TMEM117: variants seen among roughly 807,000 people sequenced by gnomAD.
TMEM117 encodes transmembrane protein 117.
TMEM117 carries 27 observed loss-of-function variants against 52.4 expected under a neutral mutation model. That is an observed-to-expected ratio of 0.51 (90% CI 0.38 to 0.71). TMEM117 has a LOEUF of 0.71. Among genes scored for constraint, TMEM117 ranks in the 30% least tolerant of loss-of-function variants. The probability of loss-of-function intolerance (pLI) is 0.00; values close to 1 mark genes in which losing one functional copy is unlikely to be tolerated. For synonymous variants in TMEM117, 215 were observed against 206.3 expected (o/e 1.04, Z -0.36); for missense variants, 556 against 630.5 (o/e 0.88, Z 1.26).
Position 43,918,340 on chromosome 12 carries a change from T to A in TMEM117, c.278-25870T>A, listed in dbSNP as rs564517867. 5.9e-5 allele frequency among the ~76,000 whole-genome samples: 9 copies of A among 152,322 alleles called. 1 individual carries two copies. Among genetic ancestry groups the A allele is most frequent in the African/African-American group, 2.2e-4 (9 of 41,586 alleles). Reference sequence around the variant, plus strand: ...TCAGCAATCATAATTTTTTGTTTCATTTTTAGAACATCTCTTGCAGGGGTT... The same window carrying A: ...TCAGCAATCATAATTTTTTGTTTCAATTTTAGAACATCTCTTGCAGGGGTT... On this transcript the variant is annotated intron_variant, in intron 2 of 7. Transcript: ENST00000266534.
At chr12:44,394,117 AC>A (rs1448179855), downstream of TMEM117, among the ~76,000 whole-genome samples, 1 of 152,164 alleles carries the variant, frequency 6.6e-6, no homozygotes, top group Non-Finnish European at 1.5e-5. Context: ...TATTTTGAAA[AC>A]CATATTTTGA....
intron 3 of TMEM117, among the ~76,000 whole-genome samples, chr12:44,007,241 A>G (rs1440851939): frequency 2.0e-5 from 3 of 152,196 alleles, no homozygotes; most frequent in African/African-American, 7.2e-5. Flanking sequence ...TCAGATTAAG[A>G]ATAAGAAAAA....
intron 3 of TMEM117, among the ~76,000 whole-genome samples, chr12:43,950,550 A>C (rs148651118): frequency 0.027 from 8 of 298 alleles, no homozygotes; most frequent in African/African-American, 0.059. Flanking sequence ...TTTTTTCTCA[A>C]AAAAAAAAAG....
chr12:43,944,176 T>C (rs1256448004), intron 2 of TMEM117, 34 bp from the exon 3 acceptor site: 3 of 1,572,824 alleles, frequency 1.9e-6, no homozygotes, highest in Non-Finnish European at 2.6e-6. Flanking sequence ...TGAGTTACAG[T>C]GTACATTAAT....
chr12:44,254,026 A>C (rs1395678125), intron 5 of TMEM117, among the ~76,000 whole-genome samples: 2 of 151,796 alleles, frequency 1.3e-5, no homozygotes, highest in South Asian at 2.1e-4. Context: ...AAAAAAAAAA[A>C]AACATAGAAG....
At chr12:43,874,417 C>T (rs904371860) in intron 2 of TMEM117, among the ~76,000 whole-genome samples, 8 of 118,032 alleles carry the variant, frequency 6.8e-5, no homozygotes, top group African/African-American at 2.2e-4. Context: ...CCCGTCCCTA[C>T]TAAAAGTACA....
At chr12:44,149,667 C>T (rs558044932) in intron 4 of TMEM117, among the ~76,000 whole-genome samples, 6 of 152,124 alleles carry the variant, frequency 3.9e-5, no homozygotes, top group African/African-American at 9.7e-5. Flanking sequence ...GACTATTTCA[C>T]AAACACTAAG....
chr12:44,263,917 T>G (rs1950348667), intron 5 of TMEM117: 1 of 152,344 alleles, frequency 6.6e-6, no homozygotes, highest in African/African-American at 2.4e-5. Flanking sequence ...GAAGGTGCAT[T>G]TGTATCCTGG....
chr12:44,369,848 A>G lies in TMEM117; in HGVS notation c.769-6747A>G, dbSNP rs1003502183. ...TAAGTTCCTCCTGAGAGAAAACTCC[A>G]AAGAGTTATAGAATTAATTTGCCCT... On this transcript the variant is annotated intron_variant, in intron 6 of 7. Transcript: ENST00000266534. Among the ~76,000 whole-genome samples the G allele has an allele frequency of 2.6e-5, 4 of 152,340 alleles. No homozygotes were observed. The East Asian group carries it at 7.7e-4, about 29-fold the overall frequency.
intron 3 of TMEM117, among the ~76,000 whole-genome samples, chr12:44,065,337 G>A (rs1023437419): frequency 3.8e-4 from 57 of 151,454 alleles, no homozygotes; most frequent in African/African-American, 1.2e-3. Flanking sequence ...GCAGTGAGCC[G>A]AGATCACACC....
intron 5 of TMEM117, among the ~76,000 whole-genome samples, chr12:44,213,894 T>A (rs1717166229): frequency 6.6e-6 from 1 of 152,154 alleles, no homozygotes. Context: ...AGCATGAGAA[T>A]GGAGTAATAC....
At chr12:44,177,585 C>A (rs368049192) in intron 4 of TMEM117, among the ~76,000 whole-genome samples, 43 of 152,056 alleles carry the variant, frequency 2.8e-4, no homozygotes, top group African/African-American at 1.0e-3. Context: ...CTGCATATTT[C>A]TTTTTTTATT....
At chr12:43,881,462 G>A (rs925754478) in intron 2 of TMEM117, among the ~76,000 whole-genome samples, 3 of 152,200 alleles carry the variant, frequency 2.0e-5, no homozygotes, top group African/African-American at 7.2e-5. Context: ...TATTTGATTA[G>A]GTAAAATAGG....
chr12:44,283,728 G>A lies in TMEM117; in HGVS notation c.609-15852G>A, dbSNP rs1370814126. Among the ~76,000 whole-genome samples the A allele has an allele frequency of 3.3e-5, 5 of 152,166 alleles. No individual in the cohort carries two copies. In the East Asian group the frequency reaches 9.7e-4, roughly 29 times the overall value. ...GCTGAAATGAGTTAAGACTTTGGGA[G>A]ACTGTTGGGAAGGCGTGATTGGTTT... is the stretch of plus-strand genomic sequence containing the variant. On this transcript the variant is annotated intron_variant, in intron 5 of 7. Coordinates refer to ENST00000266534, the MANE Select transcript of TMEM117 (RefSeq NM_032256.3).
At chr12:43,985,178 AT>A (rs928831689) in intron 3 of TMEM117, among the ~76,000 whole-genome samples, 1 of 152,000 alleles carries the variant, frequency 6.6e-6, no homozygotes, top group Non-Finnish European at 1.5e-5. Context: ...TTGAATAGAG[AT>A]TTTTTTTAAA....
chr12:44,011,984 A>G (rs962682416), intron 3 of TMEM117, among the ~76,000 whole-genome samples: 2 of 152,224 alleles, frequency 1.3e-5, no homozygotes, highest in East Asian at 1.9e-4. Context: ...AGAATGGTGC[A>G]TAGTTTAAAA....
At chr12:44,143,150 C>A (rs897651612) in intron 3 of TMEM117, among the ~76,000 whole-genome samples, 7 of 152,302 alleles carry the variant, frequency 4.6e-5, no homozygotes, top group African/African-American at 1.7e-4. Context: ...GGAAAGTTAG[C>A]TCTTCTCTCC....
chr12:43,802,074 T>C, the TMEM117 span, among the ~76,000 whole-genome samples: 1 of 152,138 alleles, frequency 6.6e-6, no homozygotes, highest in Non-Finnish European at 1.5e-5. Context: ...TTTTAAATCT[T>C]AAATCAGTAA....
the TMEM117 span, among the ~76,000 whole-genome samples, chr12:43,816,846 A>T: frequency 6.6e-6 from 1 of 152,252 alleles, no homozygotes; most frequent in African/African-American, 2.4e-5. Context: ...GCATTAATTT[A>T]TCTGACATCT....
Sources: gnomAD v4.1 joint callset for allele counts (sites outside exome capture counted in the v4.1 genomes callset) on GRCh38, gnomAD v4.1.1 for gene constraint, MANE v1.5 for transcripts, NCBI Gene and HGNC (gene_info 2026-07-23, HGNC 2026-07-21) for gene names.